Variants in FANCD2 observed in about 807,000 individuals in gnomAD.
FANCD2 encodes Fanconi anemia group D2 protein.
In FANCD2, 131 loss-of-function variants were observed where a neutral mutation model predicts 192.3. The ratio of observed to expected loss-of-function variants is 0.68; its 90% CI spans 0.59 to 0.79. The LOEUF is 0.79. FANCD2 is among the 30% of genes least tolerant of loss of function. FANCD2 has a pLI of 0.00. For missense variants in FANCD2, 1,508 were observed against 1,701.6 expected (o/e 0.89, Z 2.00); for synonymous variants, 524 against 612.5 (o/e 0.86, Z 2.13).
intron 7 of FANCD2, among the ~76,000 whole-genome samples, chr3:10,037,013 T>C (rs1174080970): frequency 6.7e-6 from 1 of 148,654 alleles, no homozygotes; most frequent in Non-Finnish European, 1.5e-5. Context: ...TTTTCGTGGT[T>C]TTTTTTTTTT....
intron 7 of FANCD2, 97 bp from the exon 8 acceptor site, chr3:10,039,182 T>C (rs2086801821): frequency 3.6e-6 from 3 of 842,944 alleles, no homozygotes; most frequent in Non-Finnish European, 5.8e-6. Flanking sequence ...TCGGTAAATG[T>C]TAATGGAATG....
chr3:10,036,963 G>C (rs2124979740), intron 7 of FANCD2, among the ~76,000 whole-genome samples: 2 of 151,674 alleles, frequency 1.3e-5, no homozygotes, highest in African/African-American at 4.8e-5. Context: ...AGCATCATGA[G>C]TGCCTGGGAC....
intron 36 of FANCD2, 107 bp from the exon 37 acceptor site, chr3:10,090,185 A>G: frequency 1.3e-6 from 1 of 757,436 alleles, no homozygotes; most frequent in Admixed American, 2.0e-5. Context: ...TAGTGAAAGG[A>G]CATTTAGAGA....
At position 10,034,777 on chromosome 3, in the gene FANCD2, G is replaced by A. The variant is rs566769898; in HGVS notation, c.356G>A (p.Arg119His). 1.6e-5 allele frequency: 25 copies of A among 1,559,902 alleles called. No homozygotes were observed. Among genetic ancestry groups the A allele is most frequent in the African/African-American group, 8.1e-5 (6 of 73,820 alleles). ...AGGAACTGCCTTTTGTCTTGTGAGCGTCTGCAGGATGAGGAAGCCAGGTGT... is the reference window on the plus strand; with the variant it reads ...AGGAACTGCCTTTTGTCTTGTGAGCATCTGCAGGATGAGGAAGCCAGGTGT... ...SFRNCLLSCERLQDEEASMGA... is the reference protein window; with the variant it reads ...SFRNCLLSCEHLQDEEASMGA... Residue 119 changes from arginine to histidine, a missense_variant, in exon 5 of 44, where the codon CGT becomes CAT. By Grantham distance (29) the Arg-to-His change is conservative. Transcript: ENST00000675286.
chr3:10,027,641 C>T (rs764524624), intron 1 of FANCD2, among the ~76,000 whole-genome samples: 15 of 152,042 alleles, frequency 9.9e-5, no homozygotes, highest in Non-Finnish European at 1.8e-4. Context: ...GCGGTTGGCT[C>T]ACGCCTGTAA....
chr3:10,042,604 G>C lies in FANCD2; in HGVS notation c.829G>C (p.Asp277His). ...MDKLSSIRLE[D>H]LPVIIKFILH... is the part of the protein sequence containing the mutation. ...TAAGTTGTCGTCTATTAGATTGGAG[G>C]ATTTACCTGTGATAATAAAGTTCAT... is the stretch of plus-strand genomic sequence containing the variant. Residue 277 changes from aspartate to histidine, a missense_variant, in exon 11 of 44, where the codon GAT (aspartate) becomes CAT (histidine). By Grantham distance (81) the Asp-to-His change is moderately conservative (BLOSUM62 -1). Around this residue, in one of 5 missense-constraint regions of FANCD2, gnomAD observed 435 missense variants for 421.9 expected, o/e 1.03. Coordinates refer to ENST00000675286, the MANE Select transcript of FANCD2 (RefSeq NM_001018115.3). 1.2e-6 allele frequency: 2 copies of C among 1,614,006 alleles called. No individual in the cohort carries two copies. Among genetic ancestry groups the C allele is most frequent in the Non-Finnish European group, 1.7e-6 (2 of 1,179,970 alleles).
At chr3:10,029,525 G>A (rs1202305215) in intron 2 of FANCD2, among the ~76,000 whole-genome samples, 3 of 152,022 alleles carry the variant, frequency 2.0e-5, no homozygotes, top group Non-Finnish European at 4.4e-5. Flanking sequence ...GTGGGGGGCG[G>A]GGAGGTTGAT....
rs1377088310 is a variant in FANCD2, at chr3:10,036,337, A to G, written c.489A>G (p.Glu163=). ...LFEKLPEYFF[E]NKNSDEINIP... ...AGAAGTTGCCAGAATATTTTTTTGA[A>G]AAGTAAGTGGCGTTATTATGGAATG... Residue 163 remains glutamate (E), a splice_region_variant and synonymous_variant, in exon 7 of 44, where the codon GAA becomes GAG. Coordinates refer to ENST00000675286, the MANE Select transcript of FANCD2 (RefSeq NM_001018115.3). The G allele has an allele frequency of 6.2e-7, 1 of 1,611,200 alleles. No individual in the cohort carries two copies. The highest frequency in any genetic ancestry group is 8.5e-7 in the Non-Finnish European group (1 of 1,177,612).
At chr3:10,060,196 G>A in intron 18 of FANCD2, 98 bp from the exon 19 acceptor site, 2 of 809,616 alleles carry the variant, frequency 2.5e-6, no homozygotes, top group South Asian at 3.0e-5. Context: ...TTAGTAAACG[G>A]TAAACGCCTT....
chr3:10,059,299 C>T (rs1485355507), intron 18 of FANCD2, among the ~76,000 whole-genome samples: 1 of 152,156 alleles, frequency 6.6e-6, no homozygotes, highest in African/African-American at 2.4e-5. Context: ...CAGGTATGAG[C>T]TACTTCGCCC....
intron 2 of FANCD2, 116 bp downstream of exon 2, chr3:10,028,837 G>A (rs949190517): frequency 3.3e-6 from 3 of 919,440 alleles, no homozygotes; most frequent in African/African-American, 1.6e-5. Context: ...TGAATGGAGT[G>A]CACAGAATTA....
Position 10,064,757 on chromosome 3 carries a change from T to C in FANCD2, c.2050T>C (p.Tyr684His), listed in dbSNP as rs1263380609. 6.2e-7 allele frequency: 1 copy of C among 1,614,140 alleles called. No homozygotes were observed. Among genetic ancestry groups the C allele is most frequent in the East Asian group, 2.2e-5 (1 of 44,890 alleles). ...CTTTCCATTTCCTGTGAAAGCACTG[T>C]ACGGACTGGAAGAATACGACACTCA... ...GDFPFPVKAL[Y>H]GLEEYDTQDG... Residue 684 changes from tyrosine (Y) to histidine (H), a missense_variant, in exon 23 of 44, where the codon TAC becomes CAC. By Grantham distance (83) the Tyr-to-His change is moderately conservative. Around this residue, in one of 5 missense-constraint regions of FANCD2, gnomAD observed 59 missense variants for 111.9 expected, o/e 0.53. Transcript: ENST00000675286.
intron 20 of FANCD2, among the ~76,000 whole-genome samples, chr3:10,062,859 AT>A (rs1482519024): frequency 1.9e-4 from 29 of 151,720 alleles, no homozygotes; most frequent in Admixed American, 1.8e-3. Context: ...TTAAATTTGT[AT>A]TTTTAGTAGA....
intron 19 of FANCD2, among the ~76,000 whole-genome samples, chr3:10,061,144 C>G (rs566169097): frequency 1.3e-4 from 20 of 152,342 alleles, no homozygotes; most frequent in African/African-American, 4.8e-4. Context: ...CAGTACTGCA[C>G]AAAGCCCTCT....
rs752256004 is a variant in FANCD2, at chr3:10,085,874, G to A, written c.3287G>A (p.Ser1096Asn). Residue 1096 changes from serine (S) to asparagine (N), a missense_variant, in exon 33 of 44, where the codon AGC becomes AAC. Physicochemically the swap from Ser to Asn is conservative, Grantham distance 46. Coordinates refer to ENST00000675286, the MANE Select transcript of FANCD2 (RefSeq NM_001018115.3). ...LLYSALHVLS[S>N]RLKQGEHSQP... ...TATTCAGCCCTCCATGTCCTTAGTA[G>A]CCGACTGAAACAGGGAGAACACAGC... The A allele has an allele frequency of 6.2e-7, 1 of 1,613,804 alleles. No individual in the cohort carries two copies. The highest frequency in any genetic ancestry group is 8.5e-7 in the Non-Finnish European group (1 of 1,179,800).
In FANCD2 at chr3:10,032,224, T is replaced by C. The variant is rs1381860834; in HGVS notation, c.65-608T>C. ...CAACAGCTTGAGAGACACTGGCTAG[T>C]TTAGTATTTGGGTGGAAAACATTTC... On this transcript the variant is annotated intron_variant, in intron 2 of 43. Coordinates refer to ENST00000675286, the MANE Select transcript of FANCD2 (RefSeq NM_001018115.3). 5 of 350,048 alleles carry C rather than the reference T, an allele frequency of 1.4e-5. No homozygotes were observed. The East Asian group carries it at 3.7e-4, about 26-fold the overall frequency. 21.7% of individuals were successfully genotyped at this position (350,048 alleles called of 1,614,324 possible).
chr3:10,085,721 T>A, intron 32 of FANCD2, 91 bp from the exon 33 acceptor site: 1 of 859,420 alleles, frequency 1.2e-6, no homozygotes, highest in South Asian at 1.3e-5. Flanking sequence ...GTTAAACTAT[T>A]GATGGTACAG....
intron 35 of FANCD2, 79 bp downstream of exon 35, chr3:10,088,621 A>G (rs1575845189): frequency 1.7e-6 from 2 of 1,174,986 alleles, no homozygotes; most frequent in East Asian, 4.7e-5. Context: ...GACTGGACAA[A>G]TGACCTTTTT....
intron 14 of FANCD2, among the ~76,000 whole-genome samples, chr3:10,044,331 G>A (rs1406251450): frequency 2.0e-5 from 3 of 151,812 alleles, no homozygotes; most frequent in African/African-American, 7.3e-5. Flanking sequence ...AGTGGTACTG[G>A]ATCTTATGTC....
Sources: allele counts gnomAD v4.1 joint callset (sites outside exome capture counted in the v4.1 genomes callset), GRCh38; gene constraint gnomAD v4.1.1; regional missense constraint gnomAD v4.1.1; transcripts MANE v1.5; gene names NCBI Gene and HGNC (gene_info 2026-07-23, HGNC 2026-07-21).